Variants in NFE2L2 observed in about 807,000 individuals in gnomAD.
NFE2L2 encodes NFE2 like bZIP transcription factor 2, also known as nuclear factor erythroid 2-related factor 2.
Under a neutral mutation model 49.6 loss-of-function variants are expected in NFE2L2, and 20 were observed. The observed-to-expected ratio is 0.40, with a 90% CI of 0.28 to 0.59. The LOEUF is 0.59. NFE2L2 is among the 20% of genes least tolerant of loss of function. The pLI, the probability that NFE2L2 is intolerant of heterozygous loss-of-function variation, is 0.40. For missense variants in NFE2L2, 578 were observed against 714.2 expected (o/e 0.81, Z 2.17); for synonymous variants, 244 against 256.5 (o/e 0.95, Z 0.47).
intron 1 of NFE2L2, among the ~76,000 whole-genome samples, chr2:177,250,654 GC>G (rs1690303738): frequency 6.6e-6 from 1 of 152,138 alleles, no homozygotes; most frequent in South Asian, 2.1e-4. Flanking sequence ...TGAAGACATC[GC>G]CCCATCTGAT....
At position 177,264,449 on chromosome 2, in the gene NFE2L2, G is replaced by A. The variant is rs960082554; in HGVS notation, c.45+83C>T. Reference sequence around the variant, plus strand: ...CCAGACGTGGGGGAAGCCGGTTGCGGCTGTCCCTCCCGGGCCGCGGTTCCC... The same window carrying A: ...CCAGACGTGGGGGAAGCCGGTTGCGACTGTCCCTCCCGGGCCGCGGTTCCC... On this transcript the variant is annotated intron_variant, in intron 1 of 4. Coordinates refer to ENST00000397062, the MANE Select transcript of NFE2L2 (RefSeq NM_006164.5). 7 of 1,409,772 alleles carry A rather than the reference G, an allele frequency of 5.0e-6. No individual in the cohort carries two copies. The African/African-American group carries it at 7.5e-5, about 15-fold the overall frequency. 87.3% of individuals were successfully genotyped at this position (1,409,772 alleles called of 1,614,324 possible).
At chr2:177,244,597 C>A (rs1473734573) in intron 1 of NFE2L2, among the ~76,000 whole-genome samples, 1 of 152,150 alleles carries the variant, frequency 6.6e-6, no homozygotes, top group African/African-American at 2.4e-5. Flanking sequence ...GTATAACTGG[C>A]CTACTGTGTG....
Position 177,230,637 on chromosome 2 carries a change from T to C in NFE2L2, c.*148A>G. 1.1e-6 allele frequency: 1 copy of C among 904,706 alleles called. No individual in the cohort carries two copies. The highest frequency in any genetic ancestry group is 2.4e-5 in the South Asian group (1 of 41,808). The allele number at this position is 904,706 out of a possible 1,614,324, so 56.0% of individuals were successfully genotyped here. A position where few individuals can be genotyped will look rare whatever the true frequency, so the allele number is the denominator to read the frequency against. On this transcript the variant is annotated 3_prime_UTR_variant, in exon 5 of 5. Transcript: ENST00000397062. ...CAACATACTGACACTCCAATGCTTT[T>C]TAAAGTTTCGTATTATTTTCTATAC...
chr2:177,234,409 A>T, intron 1 of NFE2L2, 138 bp from the exon 2 acceptor site: 1 of 1,006,342 alleles, frequency 9.9e-7, no homozygotes, highest in Non-Finnish European at 1.4e-6. Context: ...GAGAACACAG[A>T]TCCAATGTTC....
Position 177,264,682 on chromosome 2 carries a change from G to A in NFE2L2, c.-106C>T. ...TCTGGTGGCGGCGGCGGCGGCGGTG[G>A]CGGCTGCGTCGGCGGCTCCTCCGGG... is the stretch of plus-strand genomic sequence containing the variant. On this transcript the variant is annotated 5_prime_UTR_variant, in exon 1 of 5. Coordinates refer to ENST00000397062, the MANE Select transcript of NFE2L2 (RefSeq NM_006164.5). 9.2e-7 allele frequency: 1 copy of A among 1,087,106 alleles called. No individual in the cohort carries two copies. Among genetic ancestry groups the A allele is most frequent in the Middle Eastern group, 3.1e-4 (1 of 3,234 alleles). The allele number at this position is 1,087,106 out of a possible 1,614,324, so 67.3% of individuals were successfully genotyped here. A position where few individuals can be genotyped will look rare whatever the true frequency, so the allele number is the denominator to read the frequency against.
In NFE2L2 at chr2:177,231,505, A is replaced by G; in HGVS notation, c.1098T>C (p.Tyr366=). The change falls in exon 5 of 5, where the codon TAT becomes TAC. Residue 366 remains tyrosine, a synonymous_variant. Coordinates refer to ENST00000397062, the MANE Select transcript of NFE2L2 (RefSeq NM_006164.5). ...SPEHSVESSS[Y]GDTLLGLSDS... ...CACTGAGGCCAAGTAGTGTGTCTCC[A>G]TAGCTGGAAGATTCCACTGAGTGTT... The G allele has an allele frequency of 6.2e-7, 1 of 1,614,242 alleles. No individual in the cohort carries two copies. The highest frequency in any genetic ancestry group is 8.5e-7 in the Non-Finnish European group (1 of 1,180,036).
chr2:177,264,637 C>T lies in NFE2L2; in HGVS notation c.-61G>A. ...GGCGGCCCTGTTCCGGCTGCCGAGG[C>T]GCGGCGCGGACAGGGCGGCTCTGGT... On this transcript the variant is annotated 5_prime_UTR_variant, in exon 1 of 5. Transcript: ENST00000397062. 3 of 1,384,596 alleles carry T rather than the reference C, an allele frequency of 2.2e-6. No individual in the cohort carries two copies. The highest frequency in any genetic ancestry group is 1.6e-5 in the South Asian group (1 of 60,816). The allele number at this position is 1,384,596 out of a possible 1,614,324, so 85.8% of individuals were successfully genotyped here. A position where few individuals can be genotyped will look rare whatever the true frequency, so the allele number is the denominator to read the frequency against.
intron 1 of NFE2L2, among the ~76,000 whole-genome samples, chr2:177,258,714 C>T (rs933138539): frequency 6.6e-6 from 1 of 151,898 alleles, no homozygotes; most frequent in African/African-American, 2.4e-5. Context: ...TTTAAAATGC[C>T]ATTAGAGAGG....
At chr2:177,263,169 G>C (rs1383843460) in intron 1 of NFE2L2, among the ~76,000 whole-genome samples, 1 of 152,222 alleles carries the variant, frequency 6.6e-6, no homozygotes. Flanking sequence ...AGGATGAGCA[G>C]AAACTTCTTT....
chr2:177,254,971 G>A (rs893000718), intron 1 of NFE2L2, among the ~76,000 whole-genome samples: 8 of 152,226 alleles, frequency 5.3e-5, no homozygotes, highest in African/African-American at 1.9e-4. Context: ...ACCATAGGAA[G>A]TGAGCTGGTA....
intron 1 of NFE2L2, among the ~76,000 whole-genome samples, chr2:177,250,341 T>A (rs1690290088): frequency 6.6e-6 from 1 of 152,220 alleles, no homozygotes; most frequent in Non-Finnish European, 1.5e-5. Context: ...CTTTCACATG[T>A]ATGAACCCAC....
intron 1 of NFE2L2, among the ~76,000 whole-genome samples, chr2:177,234,578 G>A (rs1426030603): frequency 6.6e-6 from 1 of 152,198 alleles, no homozygotes; most frequent in African/African-American, 2.4e-5. Context: ...TGAATGAGAA[G>A]AAATCCCACC....
chr2:177,230,916 C>T lies in NFE2L2; in HGVS notation c.1687G>A (p.Glu563Lys), dbSNP rs763240080. The change falls in exon 5 of 5, where the codon GAA (glutamate) becomes AAA (lysine). Residue 563 changes from glutamate (E) to lysine (K), a missense_variant. Glu to Lys is a moderately conservative substitution (Grantham distance 56, BLOSUM62 1). Around this residue, in one of 3 missense-constraint regions of NFE2L2, gnomAD observed 117 missense variants for 175.8 expected, o/e 0.67. Coordinates refer to ENST00000397062, the MANE Select transcript of NFE2L2 (RefSeq NM_006164.5). The part of the protein sequence containing the change: ...LKKQLSTLYL[E>K]VFSMLRDEDG... ...TCATCACGTAGCATGCTGAAAACTT[C>T]GAGATATAAGGTGCTGAGTTGTTTT... is the stretch of plus-strand genomic sequence containing the variant. 9 of 1,613,904 alleles carry T rather than the reference C, an allele frequency of 5.6e-6. No individual in the cohort carries two copies. Among genetic ancestry groups the T allele is most frequent in the Admixed American group, 3.3e-5 (2 of 59,980 alleles).
chr2:177,242,014 T>C (rs1689953380), intron 1 of NFE2L2, among the ~76,000 whole-genome samples: 1 of 152,242 alleles, frequency 6.6e-6, no homozygotes, highest in African/African-American at 2.4e-5. Flanking sequence ...GCCTATTTAC[T>C]TCTCTGGCTT....
At chr2:177,236,789 T>C (rs1170576310) in intron 1 of NFE2L2, among the ~76,000 whole-genome samples, 1 of 152,236 alleles carries the variant, frequency 6.6e-6, no homozygotes, top group African/African-American at 2.4e-5. Flanking sequence ...GCTGTGTAAA[T>C]AGTTGTTATA....
intron 1 of NFE2L2, among the ~76,000 whole-genome samples, chr2:177,241,979 A>G (rs567708141): frequency 6.6e-6 from 1 of 152,368 alleles, no homozygotes. Flanking sequence ...GCTGATGACT[A>G]ATTACATTTC....
chr2:177,253,544 C>A (rs1012985473), intron 1 of NFE2L2, among the ~76,000 whole-genome samples: 1 of 151,768 alleles, frequency 6.6e-6, no homozygotes. Flanking sequence ...TGTGTAGATA[C>A]CTAATAAATA....
chr2:177,257,939 T>C (rs59896080), intron 1 of NFE2L2, among the ~76,000 whole-genome samples: 3,718 of 152,304 alleles, frequency 0.024, 128 homozygotes, highest in African/African-American at 0.08. Context: ...AACTAGTCCC[T>C]GGTGCTAAAA....
chr2:177,264,237 C>T lies in NFE2L2; in HGVS notation c.45+295G>A, dbSNP rs1198397515. 2.4e-4 allele frequency: 84 copies of T among 344,940 alleles called. No individual in the cohort carries two copies. The East Asian group carries it at 3.8e-3, about 16-fold the overall frequency. 21.4% of individuals were successfully genotyped at this position (344,940 alleles called of 1,614,324 possible). A position where few individuals can be genotyped will look rare whatever the true frequency, so the allele number is the denominator to read the frequency against. On this transcript the variant is annotated intron_variant, in intron 1 of 4. Coordinates refer to ENST00000397062, the MANE Select transcript of NFE2L2 (RefSeq NM_006164.5). ...GAGTCCCAGCTCTCGGGCCCGGGGA[C>T]GCGGCTGGATTCTCCCCCAAGGCCC...
Sources: allele counts gnomAD v4.1 joint callset (sites outside exome capture counted in the v4.1 genomes callset), GRCh38; gene constraint gnomAD v4.1.1; regional missense constraint gnomAD v4.1.1; transcripts MANE v1.5; gene names NCBI Gene and HGNC (gene_info 2026-07-23, HGNC 2026-07-21).